Variants in GOSR2 observed in about 807,000 individuals in gnomAD.
GOSR2 encodes the protein 27 kDa Golgi SNARE protein.
GOSR2 carries 20 observed loss-of-function variants against 27.9 expected under a neutral mutation model. The observed-to-expected ratio is 0.72, with a 90% CI of 0.50 to 1.04. The LOEUF is 1.04. Ranked by LOEUF, GOSR2 falls within the 50% of genes least tolerant of loss-of-function variation. The pLI, the probability that GOSR2 is intolerant of heterozygous loss-of-function variation, is 0.00. For missense variants in GOSR2, 261 were observed against 270.5 expected, an observed-to-expected ratio of 0.97 and a Z score of 0.25; for synonymous variants, 91 against 98.8, an observed-to-expected ratio of 0.92 and a Z score of 0.47.
At position 46,935,163 on chromosome 17, in the gene GOSR2, C is replaced by T. The variant is rs749044641; in HGVS notation, c.471C>T (p.Thr157=). ...ATGGACTGAGGACCCAGAGACTGAC[C>T]TTGAAGGTGGGGTCCCTGCTGGGGG... ...ILDGLRTQRL[T]LKGTQKKILD... Residue 157 remains threonine (T), a synonymous_variant, in exon 5 of 6, where the codon ACC becomes ACT. Coordinates refer to ENST00000640051, the MANE Select transcript of GOSR2 (RefSeq NM_004287.5). 11 of 1,614,062 alleles carry T rather than the reference C, an allele frequency of 6.8e-6. No homozygotes were observed. The South Asian group carries it at 1.2e-4, about 18-fold the overall frequency.
intron 4 of GOSR2, chr17:46,932,459 T>C (rs1363807915): frequency 2.3e-5 from 14 of 599,464 alleles, no homozygotes; most frequent in African/African-American, 5.6e-5. Flanking sequence ...CTGGTTGGGC[T>C]GGTCTGAGAC....
intron 1 of GOSR2, among the ~76,000 whole-genome samples, chr17:46,928,817 C>T (rs2086881396): frequency 6.6e-6 from 1 of 152,086 alleles, no homozygotes; most frequent in East Asian, 1.9e-4. Flanking sequence ...ATATCATTTT[C>T]TTCTATCTTC....
chr17:46,955,163 A>G, intron 6 of GOSR2, among the ~76,000 whole-genome samples: 1 of 151,448 alleles, frequency 6.6e-6, no homozygotes. Context: ...TGTCATAGAT[A>G]GCTCTTATTA....
intron 1 of GOSR2, chr17:46,923,603 AG>A (rs2086027610): frequency 7.9e-7 from 1 of 1,271,118 alleles, no homozygotes; most frequent in Non-Finnish European, 9.9e-7. Flanking sequence ...CCCTGGCCGT[AG>A]GAGTGTACTG....
rs2089085406 is a variant in GOSR2, at chr17:46,940,355, G to C, written c.*1595G>C. 3.4e-6 allele frequency: 5 copies of C among 1,485,622 alleles called. No homozygotes were observed. The highest frequency in any genetic ancestry group is 4.5e-6 in the Non-Finnish European group (5 of 1,120,028). 92.0% of individuals were successfully genotyped at this position (1,485,622 alleles called of 1,614,324 possible). The stretch of plus-strand genomic sequence containing the variant: ...GACTCCTAAAATGGGTTGGGGCCCT[G>C]CCAGAGTTAAAGCAGTGACTGGAGG... On this transcript the variant is annotated 3_prime_UTR_variant, in exon 6 of 6. Transcript: ENST00000640051.
intron 5 of GOSR2, chr17:46,936,558 A>G (rs2088404777): frequency 2.0e-6 from 2 of 985,386 alleles, no homozygotes; most frequent in African/African-American, 1.7e-5. Flanking sequence ...CACCTACACC[A>G]TTCAAAAGGA....
chr17:46,923,437 A>G (rs2085997998), intron 1 of GOSR2: 1 of 1,433,372 alleles, frequency 7.0e-7, no homozygotes, highest in African/African-American at 1.4e-5. Flanking sequence ...CGTGGGGCAG[A>G]TGACTCCTGG....
chr17:46,950,845 T>C (rs928388508), intron 6 of GOSR2, among the ~76,000 whole-genome samples: 1 of 152,174 alleles, frequency 6.6e-6, no homozygotes, highest in Admixed American at 6.5e-5. Flanking sequence ...AGAAGTGGTC[T>C]TGGGGACCAC....
chr17:46,958,626 CAG>C (rs1372758849), intron 6 of GOSR2, among the ~76,000 whole-genome samples: 4 of 152,228 alleles, frequency 2.6e-5, no homozygotes, highest in South Asian at 2.1e-4. Context: ...TGTGCCAGCT[CAG>C]GGGAGGGGGC....
At chr17:46,946,282 C>CA (rs58163051), downstream of GOSR2, among the ~76,000 whole-genome samples, 1,637 of 126,558 alleles carry the variant, frequency 0.013, 30 homozygotes, top group African/African-American at 0.049. Context: ...CTAAAAATAC[C>CA]AAAAAAAAAA....
Position 46,940,849 on chromosome 17 carries a change from AC to A in GOSR2, c.*2092del. 1 of 1,442,468 alleles carries A rather than the reference AC, an allele frequency of 6.9e-7. No individual in the cohort carries two copies. Among genetic ancestry groups the A allele is most frequent in the Non-Finnish European group, 9.1e-7 (1 of 1,099,992 alleles). The allele number at this position is 1,442,468 out of a possible 1,614,324, so 89.4% of individuals were successfully genotyped here. ...TGGACAGCAGCCAGTGTGTCTGGAC[AC>A]CCAGGGGCATTGAGACTGCATGTTG... On this transcript the variant is annotated 3_prime_UTR_variant, in exon 6 of 6. Transcript: ENST00000640051.
downstream of GOSR2, among the ~76,000 whole-genome samples, chr17:46,969,677 T>G (rs1415426672): frequency 1.3e-5 from 2 of 152,184 alleles, no homozygotes; most frequent in Non-Finnish European, 1.5e-5. Flanking sequence ...GATAAATGCC[T>G]TAAACACGGA....
At chr17:46,936,309 G>C (rs1030974713) in intron 5 of GOSR2, 1 of 985,264 alleles carries the variant, frequency 1.0e-6, no homozygotes, top group Non-Finnish European at 1.2e-6. Context: ...CACTGATGAA[G>C]AGCCAGTGGG....
intron 1 of GOSR2, chr17:46,923,601 G>T: frequency 1.6e-6 from 2 of 1,288,940 alleles, no homozygotes; most frequent in Non-Finnish European, 2.0e-6. Context: ...GCCCCTGGCC[G>T]TAGGAGTGTA....
chr17:46,941,035 G>A lies in GOSR2; in HGVS notation c.*2275G>A, dbSNP rs2089204393. The A allele has an allele frequency of 9.2e-7, 1 of 1,091,990 alleles. No individual in the cohort carries two copies. The highest frequency in any genetic ancestry group is 1.1e-6 in the Non-Finnish European group (1 of 892,816). 67.6% of individuals were successfully genotyped at this position (1,091,990 alleles called of 1,614,324 possible). A position where few individuals can be genotyped will look rare whatever the true frequency, so the allele number is the denominator to read the frequency against. On this transcript the variant is annotated 3_prime_UTR_variant, in exon 6 of 6. Coordinates refer to ENST00000640051, the MANE Select transcript of GOSR2 (RefSeq NM_004287.5). ...AGGCGGGGGTGAATTCTTAGGTCGA[G>A]CTGATGCAAGAAACTCCGGTAGCCA...
chr17:46,934,815 T>C (rs2088008926), intron 4 of GOSR2, among the ~76,000 whole-genome samples: 1 of 152,142 alleles, frequency 6.6e-6, no homozygotes, highest in Admixed American at 6.5e-5. Flanking sequence ...TGGAACTCAT[T>C]TGGAGAGTGA....
At chr17:46,945,211 C>CT (rs1208301900), downstream of GOSR2, among the ~76,000 whole-genome samples, 1 of 152,170 alleles carries the variant, frequency 6.6e-6, no homozygotes, top group East Asian at 1.9e-4. Flanking sequence ...GCTGTGGGCT[C>CT]TGAGGCCTGA....
chr17:46,974,284 C>T (rs368299114), intron 6 of GOSR2, among the ~76,000 whole-genome samples: 12 of 151,928 alleles, frequency 7.9e-5, no homozygotes, highest in African/African-American at 2.7e-4. Context: ...TCACCCAGTG[C>T]CTGGCACAGT....
At chr17:46,935,326 G>C in intron 5 of GOSR2, 157 bp downstream of exon 5, 1 of 1,496,026 alleles carries the variant, frequency 6.7e-7, no homozygotes, top group Non-Finnish European at 8.9e-7. Flanking sequence ...TGTTGGAGTT[G>C]AGTTATTGTG....
Sources: gnomAD v4.1 joint callset for allele counts (sites outside exome capture counted in the v4.1 genomes callset) on GRCh38, gnomAD v4.1.1 for gene constraint, MANE v1.5 for transcripts, NCBI Gene and HGNC (gene_info 2026-07-23, HGNC 2026-07-21) for gene names.